The following GLT1D1 variants were observed in gnomAD, a reference collection of about 807,000 sequenced individuals.
The protein encoded by GLT1D1 is glycosyltransferase 1 domain-containing protein 1.
Under a neutral mutation model 28.7 loss-of-function variants are expected in GLT1D1, and 21 were observed. That is an observed-to-expected ratio of 0.73 (90% CI 0.52 to 1.05). The LOEUF (loss-of-function observed/expected upper bound fraction) is 1.05, where lower values mean the gene tolerates loss of function less well. Among genes scored for constraint, GLT1D1 ranks in the 50% least tolerant of loss-of-function variants. The probability of loss-of-function intolerance (pLI) is 0.00; values close to 1 mark genes in which losing one functional copy is unlikely to be tolerated. For missense variants in GLT1D1, 343 were observed against 330.6 expected (o/e 1.04, Z -0.29); for synonymous variants, 147 against 124.8 (o/e 1.18, Z -1.19).
At chr12:128,926,193 CAATAATAATAATAATAATAAT>C (rs34967915) in intron 4 of GLT1D1, among the ~76,000 whole-genome samples, 145 bp from the exon 7 acceptor site, 2 of 132,950 alleles carry the variant, frequency 1.5e-5, no homozygotes, top group African/African-American at 2.8e-5. Context: ...GACTCTGTCT[CAATAATAATAATAATAATAAT>C]AATAATAATA....
intron 6 of GLT1D1, among the ~76,000 whole-genome samples, chr12:128,956,983 ATCT>A (rs1877377327): frequency 6.6e-6 from 1 of 152,228 alleles, no homozygotes; most frequent in African/African-American, 2.4e-5. Flanking sequence ...CTGTCAGGCC[ATCT>A]TCTTGTGGCA....
chr12:128,956,157 T>C (rs1593186409), intron 6 of GLT1D1, among the ~76,000 whole-genome samples: 2 of 176 alleles, frequency 0.011, no homozygotes, highest in African/African-American at 0.02. Context: ...AGACTCCATC[T>C]CAAAAAAAAA....
At chr12:128,890,061 A>AC in intron 3 of GLT1D1, among the ~76,000 whole-genome samples, 1 of 152,218 alleles carries the variant, frequency 6.6e-6, no homozygotes. Flanking sequence ...GGCATGAGAT[A>AC]CCGTGCCCAG....
intron 7 of GLT1D1, among the ~76,000 whole-genome samples, chr12:128,958,707 G>A (rs1343004590): frequency 4.6e-5 from 5 of 107,876 alleles, no homozygotes; most frequent in East Asian, 3.2e-4. Context: ...CCAAGATCAC[G>A]CCACTGCACT....
chr12:128,854,330 A>G (rs1250709730), intron 1 of GLT1D1, among the ~76,000 whole-genome samples: 1 of 152,128 alleles, frequency 6.6e-6, no homozygotes, highest in Non-Finnish European at 1.5e-5. Context: ...TTAGCCGGAT[A>G]AACATATTCC....
chr12:128,874,566 C>G (rs1187248942), intron 1 of GLT1D1, among the ~76,000 whole-genome samples: 1 of 150,436 alleles, frequency 6.6e-6, no homozygotes, highest in African/African-American at 2.4e-5. Context: ...CACTCAGCCT[C>G]GACCTCATAG....
chr12:128,863,312 G>T (rs188282694), intron 1 of GLT1D1, among the ~76,000 whole-genome samples: 2 of 152,322 alleles, frequency 1.3e-5, no homozygotes, highest in African/African-American at 4.8e-5. Flanking sequence ...CTGGTACAAG[G>T]CAGGCCCGCT....
At chr12:128,898,367 G>T (rs1030256865) in intron 3 of GLT1D1, among the ~76,000 whole-genome samples, 2 of 151,948 alleles carry the variant, frequency 1.3e-5, no homozygotes, top group African/African-American at 4.8e-5. Context: ...GTAGAGATGG[G>T]GGTCTCCCTA....
At chr12:128,923,827 C>G (rs1872906308) in intron 4 of GLT1D1, among the ~76,000 whole-genome samples, 1 of 152,008 alleles carries the variant, frequency 6.6e-6, no homozygotes, top group African/African-American at 2.4e-5. Context: ...GCCAGGATCC[C>G]TCACTTTAGA....
intron 3 of GLT1D1, among the ~76,000 whole-genome samples, chr12:128,891,042 T>G (rs677334): frequency 0.45 from 67,613 of 150,558 alleles, 15,599 homozygotes; most frequent in Admixed American, 0.57. Flanking sequence ...CCGGGAGGTG[T>G]TGGTTGCAGT....
intron 4 of GLT1D1, among the ~76,000 whole-genome samples, chr12:128,943,723 G>T (rs755216286): frequency 1.3e-5 from 2 of 152,150 alleles, no homozygotes; most frequent in Non-Finnish European, 2.9e-5. Context: ...CAGCATATAT[G>T]GTTAGCATAC....
At chr12:128,872,183 A>G (rs1443988128) in intron 1 of GLT1D1, among the ~76,000 whole-genome samples, 1 of 152,108 alleles carries the variant, frequency 6.6e-6, no homozygotes, top group Non-Finnish European at 1.5e-5. Flanking sequence ...CGAACTCCTG[A>G]TCCGCCTACC....
At chr12:128,912,909 A>G (rs548056253) in intron 4 of GLT1D1, among the ~76,000 whole-genome samples, 32 of 152,288 alleles carry the variant, frequency 2.1e-4, no homozygotes, top group Non-Finnish European at 3.7e-4. Context: ...GGCTCAAGCA[A>G]TCTGCCTGAG....
chr12:128,879,422 C>CT (rs1555262449), intron 2 of GLT1D1, among the ~76,000 whole-genome samples: 2 of 96,440 alleles, frequency 2.1e-5, no homozygotes, highest in African/African-American at 9.0e-5. Flanking sequence ...TTCTTTCTTT[C>CT]TTTCTTTCTT....
At chr12:128,908,384 CTT>C (rs1362624369) in intron 4 of GLT1D1, among the ~76,000 whole-genome samples, 5 of 42,574 alleles carry the variant, frequency 1.2e-4, no homozygotes, top group Non-Finnish European at 6.5e-5. Flanking sequence ...TTTTCTTTCT[CTT>C]TCTTTCTCTC....
At chr12:128,908,776 C>T (rs1293223604) in intron 4 of GLT1D1, among the ~76,000 whole-genome samples, 6 of 151,978 alleles carry the variant, frequency 3.9e-5, no homozygotes, top group South Asian at 2.1e-4. Context: ...GGTGAAACCC[C>T]GTCTCTACTA....
intron 7 of GLT1D1, among the ~76,000 whole-genome samples, chr12:128,959,509 T>C (rs1438352606): frequency 3.5e-5 from 5 of 142,934 alleles, no homozygotes; most frequent in Non-Finnish European, 7.6e-5. Context: ...GGGGTGGAGA[T>C]TGCAAGTCGC....
At chr12:128,855,792 G>A (rs1008575210) in intron 1 of GLT1D1, among the ~76,000 whole-genome samples, 3 of 103,564 alleles carry the variant, frequency 2.9e-5, no homozygotes, top group East Asian at 2.8e-4. Context: ...TCATTCTTTC[G>A]CCCAGGCTGG....
At chr12:128,935,014 A>G (rs972655123) in intron 4 of GLT1D1, among the ~76,000 whole-genome samples, 3 of 152,072 alleles carry the variant, frequency 2.0e-5, no homozygotes, top group Admixed American at 6.6e-5. Context: ...GACGGGGTCC[A>G]GGAAGAGGGC....
Sources: gnomAD v4.1 joint callset for allele counts (sites outside exome capture counted in the v4.1 genomes callset) on GRCh38, gnomAD v4.1.1 for gene constraint, MANE v1.5 for transcripts, NCBI Gene and HGNC (gene_info 2026-07-23, HGNC 2026-07-21) for gene names.